OPCML: variants seen among roughly 807,000 people sequenced by gnomAD.
OPCML encodes the protein opioid binding protein/cell adhesion molecule like, also known as opioid-binding protein/cell adhesion molecule.
Under a neutral mutation model 37.8 loss-of-function variants are expected in OPCML, and 13 were observed. The ratio of observed to expected loss-of-function variants is 0.34; its 90% CI spans 0.22 to 0.55. The LOEUF is 0.55. Among genes scored for constraint, OPCML ranks in the 20% least tolerant of loss-of-function variants. OPCML has a pLI of 0.91. For missense variants in OPCML, 341 were observed against 435.6 expected, an observed-to-expected ratio of 0.78 and a Z score of 1.93; for synonymous variants, 176 against 168.8, an observed-to-expected ratio of 1.04 and a Z score of -0.33.
At chr11:133,200,869 T>C (rs1938750740) in intron 1 of OPCML, among the ~76,000 whole-genome samples, 1 of 152,106 alleles carries the variant, frequency 6.6e-6, no homozygotes, top group Admixed American at 6.5e-5. Context: ...AGCAAAGACA[T>C]GGAATCCACC....
chr11:132,687,359 C>A (rs1366515748), intron 2 of OPCML, among the ~76,000 whole-genome samples: 2 of 90,734 alleles, frequency 2.2e-5, no homozygotes, highest in East Asian at 7.1e-4. Flanking sequence ...AACTGCTCTG[C>A]CTTAAGCTAC....
At chr11:133,528,703 C>T (rs555556400) in intron 1 of OPCML, among the ~76,000 whole-genome samples, 8 of 152,270 alleles carry the variant, frequency 5.3e-5, no homozygotes, top group South Asian at 4.1e-4. Context: ...TGACCCTAAA[C>T]GGGCAAAGCC....
At chr11:132,542,925 G>A (rs562765389) in intron 3 of OPCML, among the ~76,000 whole-genome samples, 3 of 152,306 alleles carry the variant, frequency 2.0e-5, no homozygotes, top group African/African-American at 7.2e-5. Context: ...TGGTCATTGT[G>A]TGTTCAAGTC....
intron 3 of OPCML, among the ~76,000 whole-genome samples, chr11:132,537,029 C>T (rs1168991019): frequency 6.6e-6 from 1 of 152,130 alleles, no homozygotes; most frequent in Non-Finnish European, 1.5e-5. Flanking sequence ...GTCTAAAACC[C>T]TGGGAGCCGA....
chr11:133,403,338 C>G (rs372610621), intron 1 of OPCML, among the ~76,000 whole-genome samples: 1 of 152,154 alleles, frequency 6.6e-6, no homozygotes, highest in East Asian at 1.9e-4. Flanking sequence ...CATTGCATCC[C>G]CTTCCTAGTA....
chr11:133,328,813 G>C (rs945976253), intron 1 of OPCML, among the ~76,000 whole-genome samples: 1 of 152,134 alleles, frequency 6.6e-6, no homozygotes, highest in Admixed American at 6.5e-5. Flanking sequence ...ATTCAACATA[G>C]TGTCGGAAGT....
intron 4 of OPCML, among the ~76,000 whole-genome samples, chr11:132,524,494 G>GA (rs775259261): frequency 8.6e-5 from 13 of 152,042 alleles, no homozygotes; most frequent in East Asian, 1.9e-4. Flanking sequence ...GGCTGCTATT[G>GA]AAAAAATTAA....
chr11:132,775,564 C>A (rs565074436), intron 2 of OPCML, among the ~76,000 whole-genome samples: 1 of 152,286 alleles, frequency 6.6e-6, no homozygotes, highest in East Asian at 1.9e-4. Flanking sequence ...GATAACCTTA[C>A]CCCTCTCCAG....
chr11:133,161,082 C>T (rs1950135572), intron 1 of OPCML, among the ~76,000 whole-genome samples: 1 of 152,144 alleles, frequency 6.6e-6, no homozygotes, highest in South Asian at 2.1e-4. Context: ...CTCTTTATCT[C>T]TTAATCGACT....
chr11:133,025,124 T>C, intron 1 of OPCML: 1 of 679,492 alleles, frequency 1.5e-6, no homozygotes, highest in Non-Finnish European at 1.8e-6. Flanking sequence ...AAAATGGGAT[T>C]GATTTGGGAG....
At chr11:132,552,436 CTGAG>C (rs1565658451) in intron 3 of OPCML, among the ~76,000 whole-genome samples, 1 of 152,160 alleles carries the variant, frequency 6.6e-6, no homozygotes, top group African/African-American at 2.4e-5. Flanking sequence ...TAGGTTGGTA[CTGAG>C]TAACAACTTC....
intron 1 of OPCML, among the ~76,000 whole-genome samples, chr11:132,957,750 G>A (rs1208113153): frequency 1.3e-5 from 2 of 152,116 alleles, no homozygotes; most frequent in African/African-American, 4.8e-5. Flanking sequence ...GTAGTGATCA[G>A]TAATCTTTGA....
chr11:133,103,225 C>CGA (rs1949111279), intron 1 of OPCML, among the ~76,000 whole-genome samples: 1 of 152,136 alleles, frequency 6.6e-6, no homozygotes, highest in African/African-American at 2.4e-5. Context: ...AGTACTTATT[C>CGA]TATTTGATCA....
rs557452131 is a variant in OPCML at position 132,513,958 on chromosome 11, T to A, written c.505+15103A>T. 3.3e-5 allele frequency among the ~76,000 whole-genome samples: 5 copies of A among 152,334 alleles called. No individual in the cohort carries two copies. In the South Asian group the frequency reaches 1.0e-3, roughly 32 times the overall value. On this transcript the variant is annotated intron_variant, in intron 4 of 7. Coordinates refer to ENST00000524381, the MANE Select transcript of OPCML (RefSeq NM_001012393.5). ...TACATAACACGTAGAAGGCACCCACTAATTCATTCTTGAATGACTGAACAA... is the reference window on the plus strand; with the variant it reads ...TACATAACACGTAGAAGGCACCCACAAATTCATTCTTGAATGACTGAACAA...
At chr11:132,450,518 T>C (rs1325848689) in intron 4 of OPCML, among the ~76,000 whole-genome samples, 5 of 151,690 alleles carry the variant, frequency 3.3e-5, no homozygotes, top group African/African-American at 1.2e-4. Flanking sequence ...AAATGAGTCA[T>C]GATGGAGAGG....
rs149290549 is a variant in OPCML, at chr11:132,759,230, A to G, written c.147-101911T>C. Among the ~76,000 whole-genome samples the G allele has an allele frequency of 2.8e-3, 432 of 152,256 alleles. 4 individuals are homozygous for G. Among genetic ancestry groups the G allele is most frequent in the African/African-American group, 9.8e-3 (406 of 41,530 alleles). Reference sequence around the variant, plus strand: ...TATTTTATTGAGGATTTTCGCATCGATGTTCATCAGGGATATTGGCCTGAA... The same window carrying G: ...TATTTTATTGAGGATTTTCGCATCGGTGTTCATCAGGGATATTGGCCTGAA... On this transcript the variant is annotated intron_variant, in intron 2 of 7. Coordinates refer to ENST00000524381, the MANE Select transcript of OPCML (RefSeq NM_001012393.5).
At chr11:133,193,451 T>C (rs1938405523) in intron 1 of OPCML, among the ~76,000 whole-genome samples, 1 of 152,180 alleles carries the variant, frequency 6.6e-6, no homozygotes, top group Admixed American at 6.5e-5. Flanking sequence ...ATTCCCAACT[T>C]GGAAACAAGC....
intron 1 of OPCML, chr11:133,005,945 G>A: frequency 8.1e-6 from 8 of 985,424 alleles, no homozygotes; most frequent in Non-Finnish European, 9.6e-6. Flanking sequence ...GCTCATGGAT[G>A]TGTGCAGCTT....
chr11:133,442,861 T>C (rs1019750005), intron 1 of OPCML, among the ~76,000 whole-genome samples: 14 of 152,096 alleles, frequency 9.2e-5, no homozygotes, highest in Non-Finnish European at 1.8e-4. Flanking sequence ...CACAGCAAAC[T>C]GTTTTCACTA....
Sources: allele counts gnomAD v4.1 joint callset (sites outside exome capture counted in the v4.1 genomes callset), GRCh38; gene constraint gnomAD v4.1.1; transcripts MANE v1.5; gene names NCBI Gene and HGNC (gene_info 2026-07-23, HGNC 2026-07-21).